The following PKN2 variants were observed in gnomAD, a reference collection of about 807,000 sequenced individuals.
PKN2 encodes the protein serine/threonine-protein kinase N2.
Under a neutral mutation model 119.1 loss-of-function variants are expected in PKN2, and 38 were observed. The ratio of observed to expected loss-of-function variants is 0.32; its 90% CI spans 0.25 to 0.42. PKN2 has a LOEUF of 0.42. PKN2 is among the 10% of genes least tolerant of loss of function. The probability of loss-of-function intolerance (pLI) is 1.00; values close to 1 mark genes in which losing one functional copy is unlikely to be tolerated. For missense variants in PKN2, 850 were observed against 1,165.1 expected (o/e 0.73, Z 3.94); for synonymous variants, 390 against 384.9 (o/e 1.01, Z -0.15).
At chr1:88,734,551 G>A (rs565771075) in intron 1 of PKN2, among the ~76,000 whole-genome samples, 26 of 152,194 alleles carry the variant, frequency 1.7e-4, no homozygotes, top group African/African-American at 6.0e-4. Context: ...CCATTGATTT[G>A]TGTGTCTTTT....
chr1:88,778,915 C>T (rs950048415), intron 6 of PKN2, among the ~76,000 whole-genome samples: 2 of 151,926 alleles, frequency 1.3e-5, no homozygotes, highest in Admixed American at 1.3e-4. Context: ...GGGGTGGGGG[C>T]GGTTTCACCA....
At chr1:88,690,493 A>G (rs1050903816) in intron 1 of PKN2, among the ~76,000 whole-genome samples, 2 of 152,224 alleles carry the variant, frequency 1.3e-5, no homozygotes, top group Admixed American at 1.3e-4. Context: ...AACTTTTGAT[A>G]TACAGCAGAG....
At chr1:88,722,977 T>TG (rs1466286631) in intron 1 of PKN2, among the ~76,000 whole-genome samples, 1 of 152,142 alleles carries the variant, frequency 6.6e-6, no homozygotes, top group Non-Finnish European at 1.5e-5. Context: ...GTGGGTCACC[T>TG]GGCAGGAGCA....
At chr1:88,704,805 T>A (rs979310976) in intron 1 of PKN2, among the ~76,000 whole-genome samples, 3 of 150,400 alleles carry the variant, frequency 2.0e-5, no homozygotes, top group African/African-American at 7.3e-5. Context: ...AAAAAAGAGT[T>A]CCAGTTGCTC....
chr1:88,765,849 C>T (rs1234254207), intron 3 of PKN2, among the ~76,000 whole-genome samples: 1 of 152,098 alleles, frequency 6.6e-6, no homozygotes, highest in Admixed American at 6.5e-5. Context: ...AGGTTGTCAC[C>T]CAGGCTGGAG....
chr1:88,733,820 T>C (rs1020024653), intron 1 of PKN2, among the ~76,000 whole-genome samples: 8 of 152,230 alleles, frequency 5.3e-5, no homozygotes. Context: ...AAATCAAATT[T>C]TGAAAATTCA....
intron 15 of PKN2, among the ~76,000 whole-genome samples, chr1:88,808,353 T>C (rs1347620141): frequency 6.6e-6 from 1 of 152,188 alleles, no homozygotes; most frequent in Non-Finnish European, 1.5e-5. Context: ...TCTTCCAGGC[T>C]GGAGTGCAGT....
intron 19 of PKN2, 36 bp downstream of exon 19, chr1:88,828,659 G>A (rs1342184632): frequency 9.7e-6 from 15 of 1,548,902 alleles, no homozygotes; most frequent in South Asian, 2.4e-5. Flanking sequence ...AACAGAGGAA[G>A]GATGATTGAA....
intron 2 of PKN2, among the ~76,000 whole-genome samples, chr1:88,749,681 A>G (rs1160037363): frequency 6.6e-6 from 1 of 152,240 alleles, no homozygotes; most frequent in East Asian, 1.9e-4. Context: ...GGAGAAGTAT[A>G]AAGTTAACAT....
At chr1:88,739,452 A>T (rs555028479) in intron 1 of PKN2, among the ~76,000 whole-genome samples, 1 of 152,342 alleles carries the variant, frequency 6.6e-6, no homozygotes, top group East Asian at 1.9e-4. Flanking sequence ...TGCATGATAC[A>T]TAATTTTTAG....
At position 88,771,477 on chromosome 1, in the gene PKN2, A is replaced by G. The variant is rs1342657045; in HGVS notation, c.679A>G (p.Arg227Gly). 2 of 1,609,818 alleles carry G rather than the reference A, an allele frequency of 1.2e-6. No homozygotes were observed. Among genetic ancestry groups the G allele is most frequent in the African/African-American group, 1.3e-5 (1 of 74,968 alleles). The change falls in exon 5 of 22, where the codon AGG (arginine) becomes GGG (glycine). Residue 227 changes from arginine (R) to glycine (G), a missense_variant. Arg to Gly is a moderately radical substitution (Grantham distance 125, BLOSUM62 -2). This residue lies in a region of PKN2 where 350 missense variants were observed against 511.1 expected (regional missense o/e 0.68). Coordinates refer to ENST00000370521, the MANE Select transcript of PKN2 (RefSeq NM_006256.4). ...GATGGAAGAATTAAGGCATCATTTT[A>G]GGATAGAGTTTGCAGTAGCAGAAGG... ...LRMEELRHHF[R>G]IEFAVAEGAK...
intron 1 of PKN2, among the ~76,000 whole-genome samples, chr1:88,699,569 C>T (rs1666687263): frequency 6.6e-6 from 1 of 152,094 alleles, no homozygotes; most frequent in Non-Finnish European, 1.5e-5. Context: ...GATGCTCTCC[C>T]TGCTGTCATC....
chr1:88,770,687 G>C (rs886949939), intron 4 of PKN2, among the ~76,000 whole-genome samples: 70 of 150,118 alleles, frequency 4.7e-4, no homozygotes, highest in Non-Finnish European at 8.4e-4. Context: ...CCGGGTTCAC[G>C]CCATTCTCCT....
chr1:88,797,651 A>C lies in PKN2; in HGVS notation c.1282-6740A>C, dbSNP rs555915167. On this transcript the variant is annotated intron_variant, in intron 8 of 21. Coordinates refer to ENST00000370521, the MANE Select transcript of PKN2 (RefSeq NM_006256.4). ...GACTCCGTCTCAAAAAAAAAAAAAA[A>C]AGAGAGAGAATGTCTTCCTTACCTA... Among the ~76,000 whole-genome samples the C allele has an allele frequency of 1.1e-4, 16 of 147,822 alleles. No homozygotes were observed. The South Asian group carries it at 2.1e-3, about 20-fold the overall frequency.
intron 1 of PKN2, among the ~76,000 whole-genome samples, chr1:88,717,432 C>T (rs1557561439): frequency 1.3e-5 from 2 of 152,080 alleles, no homozygotes; most frequent in Non-Finnish European, 2.9e-5. Flanking sequence ...TCAGGTACAC[C>T]AATCAGACGT....
chr1:88,808,518 A>T (rs2100883622), intron 15 of PKN2, among the ~76,000 whole-genome samples: 2 of 151,962 alleles, frequency 1.3e-5, no homozygotes, highest in Middle Eastern at 3.4e-3. Context: ...GTTAGCCAGG[A>T]TGGTCTCGAT....
intron 15 of PKN2, among the ~76,000 whole-genome samples, chr1:88,808,430 T>C (rs188216432): frequency 1.8e-3 from 272 of 152,098 alleles, no homozygotes; most frequent in Admixed American, 6.3e-3. Flanking sequence ...CTCAGTCTCC[T>C]GAGTAGCTGG....
chr1:88,771,855 C>T lies in PKN2; in HGVS notation c.961C>T (p.Leu321=), dbSNP rs751683331. The T allele has an allele frequency of 1.2e-6, 2 of 1,613,170 alleles. No homozygotes were observed. The highest frequency in any genetic ancestry group is 2.2e-5 in the South Asian group (2 of 91,064). Residue 321 remains leucine (L), a synonymous_variant, in exon 6 of 22, where the codon CTA becomes TTA. Coordinates refer to ENST00000370521, the MANE Select transcript of PKN2 (RefSeq NM_006256.4). ...ATCTACGCAAAATCAATATAGTACACTATCCAAACCAGCAGCACTAACAGG... is the reference window on the plus strand; with the variant it reads ...ATCTACGCAAAATCAATATAGTACATTATCCAAACCAGCAGCACTAACAGG... The part of the protein sequence containing the change: ...MISTQNQYST[L]SKPAALTGTL...
At chr1:88,739,321 G>A (rs898222222) in intron 1 of PKN2, among the ~76,000 whole-genome samples, 2 of 142,542 alleles carry the variant, frequency 1.4e-5, no homozygotes, top group South Asian at 2.3e-4. Flanking sequence ...GAAAAAAAAA[G>A]AGATTTATAG....
Sources: allele counts gnomAD v4.1 joint callset (sites outside exome capture counted in the v4.1 genomes callset), GRCh38; gene constraint gnomAD v4.1.1; regional missense constraint gnomAD v4.1.1; transcripts MANE v1.5; gene names NCBI Gene and HGNC (gene_info 2026-07-23, HGNC 2026-07-21).